Variants in MYBPC3 observed in about 807,000 individuals in gnomAD.
MYBPC3 encodes the protein myosin binding protein C3.
Under a neutral mutation model 159.3 loss-of-function variants are expected in MYBPC3, and 108 were observed. The ratio of observed to expected loss-of-function variants is 0.68; its 90% CI spans 0.58 to 0.80. MYBPC3 has a LOEUF of 0.80. MYBPC3 is among the 30% of genes least tolerant of loss of function. MYBPC3 has a pLI of 0.00. For synonymous variants in MYBPC3, 730 were observed against 702.0 expected (o/e 1.04, Z -0.63); for missense variants, 1,631 against 1,762.1 (o/e 0.93, Z 1.33).
intron 30 of MYBPC3, 85 bp downstream of exon 30, chr11:47,333,109 C>T (rs1350011248): frequency 4.6e-6 from 7 of 1,530,100 alleles, no homozygotes; most frequent in South Asian, 2.5e-5. Context: ...GAGGGGTCCA[C>T]GGTGAGGACA....
In MYBPC3 at chr11:47,331,728, G is replaced by A. The variant is rs923668875; in HGVS notation, c.*27-12C>T. 7.2e-6 allele frequency: 8 copies of A among 1,116,252 alleles called. No homozygotes were observed. Among genetic ancestry groups the A allele is most frequent in the Non-Finnish European group, 1.0e-5 (8 of 798,122 alleles). 69.1% of individuals were successfully genotyped at this position (1,116,252 alleles called of 1,614,324 possible). ...GCATCCGGTTGTACCTGCAACACAG[G>A]TTATCTTACGAGTGAATGGAGGGCC... is the stretch of plus-strand genomic sequence containing the variant. On this transcript the variant is annotated splice_polypyrimidine_tract_variant and intron_variant, in intron 34 of 34. Transcript: ENST00000545968.
intron 18 of MYBPC3, 76 bp downstream of exon 18, chr11:47,341,915 C>A (rs2095888990): frequency 6.6e-7 from 1 of 1,523,334 alleles, no homozygotes; most frequent in Non-Finnish European, 8.9e-7. Context: ...ATCTCTCTCT[C>A]TCTGTTTCTC....
intron 33 of MYBPC3, 24 bp from the exon 34 acceptor site, chr11:47,331,905 C>G: frequency 6.2e-7 from 1 of 1,608,884 alleles, no homozygotes; most frequent in East Asian, 2.2e-5. Context: ...GGCCATGTCA[C>G]TGTGTCCTCC....
chr11:47,349,592 C>T (rs969449974), intron 5 of MYBPC3, among the ~76,000 whole-genome samples, 182 bp downstream of exon 5: 1 of 152,176 alleles, frequency 6.6e-6, no homozygotes, highest in Non-Finnish European at 1.5e-5. Flanking sequence ...CTCCCTGGCC[C>T]CCAGGCCTCC....
chr11:47,332,486 C>T lies in MYBPC3; in HGVS notation c.3627+80G>A. On this transcript the variant is annotated intron_variant, in intron 32 of 34. Transcript: ENST00000545968. The surrounding 1 kb of genome is among the most constrained non-coding windows in gnomAD (Gnocchi z 4.2). ...GTGGAGAGAAAGCAGGGGAGACAGG[C>T]TGGGGAGAGGACTGCTCAACGTCGG... is the stretch of plus-strand genomic sequence containing the variant. The T allele has an allele frequency of 1.3e-6, 2 of 1,544,534 alleles. No individual in the cohort carries two copies. The highest frequency in any genetic ancestry group is 1.7e-6 in the Non-Finnish European group (2 of 1,144,032).
At position 47,346,090 on chromosome 11, in the gene MYBPC3, G is replaced by A; in HGVS notation, c.1090+117C>T. On this transcript the variant is annotated intron_variant, in intron 12 of 34. Coordinates refer to ENST00000545968, the MANE Select transcript of MYBPC3 (RefSeq NM_000256.3). This position sits in a 1 kb window ranked among gnomAD's most constrained non-coding sequence, Gnocchi z 5.3. ...TCCATGTATGTGGACGAGGTGGGGG[G>A]CTAACCTGTGCCCTCTCCTCTCCCC... 2.9e-6 allele frequency: 4 copies of A among 1,396,120 alleles called. No homozygotes were observed. Among genetic ancestry groups the A allele is most frequent in the Non-Finnish European group, 2.9e-6 (3 of 1,030,428 alleles). 86.5% of individuals were successfully genotyped at this position (1,396,120 alleles called of 1,614,324 possible). A position where few individuals can be genotyped will look rare whatever the true frequency, so the allele number is the denominator to read the frequency against.
intron 27 of MYBPC3, among the ~76,000 whole-genome samples, chr11:47,334,722 C>T (rs1239639169): frequency 1.3e-5 from 2 of 152,178 alleles, no homozygotes; most frequent in African/African-American, 4.8e-5. Flanking sequence ...GCCACCACAC[C>T]TGGCTAGTTT....
chr11:47,350,083 T>C lies in MYBPC3; in HGVS notation c.436A>G (p.Thr146Ala), dbSNP rs397516048. The change falls in exon 4 of 35, where the codon ACC (threonine) becomes GCC (alanine). Residue 146 changes from threonine to alanine, a missense_variant. Coordinates refer to ENST00000545968, the MANE Select transcript of MYBPC3 (RefSeq NM_000256.3). ...ATGGGGTCATCGGGGGCTCCAGGGG[T>C]AGGACCATTGAGAGCTGCTGAGCTT... ...GSSSAALNGP[T>A]PGAPDDPIGL... 3.2e-6 allele frequency: 5 copies of C among 1,559,530 alleles called. No individual in the cohort carries two copies. The highest frequency in any genetic ancestry group is 2.7e-5 in the African/African-American group (2 of 73,358).
At chr11:47,337,273 G>A (rs1565625070) in intron 25 of MYBPC3, 118 bp downstream of exon 25, 2 of 1,123,186 alleles carry the variant, frequency 1.8e-6, no homozygotes, top group East Asian at 2.5e-5. Context: ...CCCAGTCGAG[G>A]ATGAAAGGAG....
At chr11:47,337,856 C>G (rs529430653) in intron 23 of MYBPC3, 62 bp from the exon 24 acceptor site, 1 of 1,435,500 alleles carries the variant, frequency 7.0e-7, no homozygotes, top group East Asian at 2.5e-5. Flanking sequence ...AGTAACGTTG[C>G]TCGTCCCCTT....
Position 47,333,289 on chromosome 11 carries a change from C to T in MYBPC3, c.3235G>A (p.Gly1079Ser), listed in dbSNP as rs1416347843. The change falls in exon 30 of 35, where the codon GGT (glycine) becomes AGT (serine). Residue 1079 changes from glycine to serine, a missense_variant. Physicochemically the swap from Gly to Ser is moderately conservative, Grantham distance 56 (BLOSUM62 0). Transcript: ENST00000545968. ...PQDLRVTDAW[G>S]LNVALEWKPP... Reference sequence around the variant, plus strand: ...TTCCACTCCAGAGCCACATTAAGACCCCAGGCGTCAGTCACCCGGAGATCC... The same window carrying T: ...TTCCACTCCAGAGCCACATTAAGACTCCAGGCGTCAGTCACCCGGAGATCC... 2 of 1,590,624 alleles carry T rather than the reference C, an allele frequency of 1.3e-6. No homozygotes were observed. The highest frequency in any genetic ancestry group is 1.7e-6 in the Non-Finnish European group (2 of 1,168,232).
chr11:47,339,569 G>C, intron 21 of MYBPC3, 82 bp downstream of exon 21: 1 of 1,485,230 alleles, frequency 6.7e-7, no homozygotes. Context: ...CATGTGGGTG[G>C]GGTGTGCAGC....
chr11:47,349,274 G>A (rs1163065968), intron 5 of MYBPC3, among the ~76,000 whole-genome samples: 2 of 152,040 alleles, frequency 1.3e-5, no homozygotes, highest in South Asian at 2.1e-4. Context: ...AAGGTTCTAG[G>A]CCTATGTCTA....
chr11:47,333,519 G>A, intron 29 of MYBPC3, 38 bp downstream of exon 29: 2 of 1,597,854 alleles, frequency 1.3e-6, no homozygotes, highest in Non-Finnish European at 1.7e-6. Context: ...GCCCAGGGAA[G>A]GGAAACAAGG....
intron 26 of MYBPC3, 39 bp downstream of exon 26, chr11:47,335,838 C>G (rs1340266618): frequency 7.5e-7 from 1 of 1,337,508 alleles, no homozygotes; most frequent in Non-Finnish European, 9.7e-7. Flanking sequence ...TGAGCATGTT[C>G]TTCCTTTGGG....
rs397515913 is a variant in MYBPC3 at position 47,342,565 on chromosome 11, C to G, written c.1624+13G>C. The G allele has an allele frequency of 4.0e-5, 63 of 1,566,928 alleles. No homozygotes were observed. Among genetic ancestry groups the G allele is most frequent in the Non-Finnish European group, 4.8e-5 (56 of 1,155,722 alleles). ...AGCCCTAAAGCCTCATGTGCCCCCC[C>G]AGCCAGGCTCACCCTGCACAATGAG... On this transcript the variant is annotated intron_variant, in intron 17 of 34. Coordinates refer to ENST00000545968, the MANE Select transcript of MYBPC3 (RefSeq NM_000256.3).
Position 47,332,539 on chromosome 11 carries a change from C to T in MYBPC3, c.3627+27G>A. On this transcript the variant is annotated intron_variant, in intron 32 of 34. Transcript: ENST00000545968. This position sits in a 1 kb window ranked among gnomAD's most constrained non-coding sequence, Gnocchi z 4.2. ...CCTGTGAGCCCTGCCTCCTGGTCGG[C>T]CTGGACCAGCGCCTAAAGTTCCCTA... 6.3e-7 allele frequency: 1 copy of T among 1,596,088 alleles called. No individual in the cohort carries two copies.
intron 15 of MYBPC3, 21 bp from the exon 16 acceptor site, chr11:47,342,956 T>G (rs761884247): frequency 2.3e-5 from 37 of 1,611,418 alleles, no homozygotes; most frequent in Non-Finnish European, 3.1e-5. Context: ...AGGGTGAGCA[T>G]GAGGGTTGGC....
chr11:47,342,045 T>G lies in MYBPC3; in HGVS notation c.1736A>C (p.Lys579Thr), dbSNP rs1426711725. ...SDENVRGVWL[K>T]NGKELVPDSR... ...GTCGGGCACCAGCTCCTTCCCATTC[T>G]TCAGCCACACACCCCGAACATTCTC... The change falls in exon 18 of 35, where the codon AAG becomes ACG. Residue 579 changes from lysine to threonine, a missense_variant. Transcript: ENST00000545968. 2.5e-6 allele frequency: 4 copies of G among 1,609,028 alleles called. No individual in the cohort carries two copies. The highest frequency in any genetic ancestry group is 3.4e-6 in the Non-Finnish European group (4 of 1,177,626).
Sources: allele counts gnomAD v4.1 joint callset (sites outside exome capture counted in the v4.1 genomes callset), GRCh38; gene constraint gnomAD v4.1.1; non-coding constraint Gnocchi (gnomAD v3.1); transcripts MANE v1.5; gene names NCBI Gene and HGNC (gene_info 2026-07-23, HGNC 2026-07-21).